Variants in U2SURP observed in about 807,000 individuals in gnomAD.
The protein encoded by U2SURP is U2 snRNP associated SURP domain containing.
Under a neutral mutation model 144.9 loss-of-function variants are expected in U2SURP, and 9 were observed. That is an observed-to-expected ratio of 0.06 (90% CI 0.04 to 0.11). U2SURP has a LOEUF of 0.11. Among genes scored for constraint, U2SURP ranks in the 10% least tolerant of loss-of-function variants. The pLI is 1.00. For missense variants in U2SURP, 724 were observed against 1,226.7 expected (o/e 0.59, Z 6.12); for synonymous variants, 408 against 396.8 (o/e 1.03, Z -0.33).
At chr3:143,013,299 TTTTC>T (rs1312945435) in intron 3 of U2SURP, among the ~76,000 whole-genome samples, 3 of 152,084 alleles carry the variant, frequency 2.0e-5, no homozygotes, top group Non-Finnish European at 2.9e-5. Context: ...GGCAAAACGA[TTTTC>T]TTTCTATTTT....
intron 23 of U2SURP, among the ~76,000 whole-genome samples, chr3:143,041,960 C>T (rs1934133494): frequency 6.8e-6 from 1 of 146,370 alleles, no homozygotes; most frequent in Non-Finnish European, 1.5e-5. Context: ...GATTTATTTG[C>T]CAATAGTATA....
chr3:143,015,425 T>C (rs1936324061), intron 4 of U2SURP, among the ~76,000 whole-genome samples: 1 of 92,388 alleles, frequency 1.1e-5, no homozygotes, highest in South Asian at 3.3e-4. Flanking sequence ...CTATGATTTC[T>C]GGTTTTTCAG....
chr3:143,041,880 G>A (rs989427322), intron 23 of U2SURP, among the ~76,000 whole-genome samples: 4 of 151,862 alleles, frequency 2.6e-5, no homozygotes, highest in African/African-American at 4.8e-5. Context: ...AACATTGTTT[G>A]TAAGGAATTT....
rs190280508 is a variant in U2SURP at position 143,049,172 on chromosome 3, G to A, written c.2545-1767G>A. Among the ~76,000 whole-genome samples, 348 of 149,840 alleles carry A rather than the reference G, an allele frequency of 2.3e-3. 3 individuals carry two copies. Among genetic ancestry groups the A allele is most frequent in the Admixed American group, 4.5e-3 (67 of 15,000 alleles). On this transcript the variant is annotated intron_variant, in intron 24 of 27. Coordinates refer to ENST00000473835, the MANE Select transcript of U2SURP (RefSeq NM_001080415.2). ...TCCCAGCTACTTGGGAAGCTGAGGC[G>A]GGAGAATTGCTTGAACCTGGGAGGT...
At chr3:143,026,578 A>G (rs1933159602) in intron 13 of U2SURP, 1 of 152,200 alleles carries the variant, frequency 6.6e-6, no homozygotes, top group Non-Finnish European at 1.5e-5. Context: ...TAAAAAATGC[A>G]TCTGGTGTGT....
Position 143,039,997 on chromosome 3 carries a change from G to A in U2SURP, c.2384+1037G>A, listed in dbSNP as rs191744278. 9.1e-4 allele frequency among the ~76,000 whole-genome samples: 139 copies of A among 151,984 alleles called. 1 individual carries two copies. The highest frequency in any genetic ancestry group is 3.0e-3 in the African/African-American group (123 of 41,522). ...TTTAGGAATACACAAATTGAGAACC[G>A]TTTAGTTCAGTTTGCTTTAAAACAG... On this transcript the variant is annotated intron_variant, in intron 23 of 27. Coordinates refer to ENST00000473835, the MANE Select transcript of U2SURP (RefSeq NM_001080415.2).
chr3:143,046,316 TTTTTA>T lies in U2SURP; in HGVS notation c.2544+3045_2544+3049del, dbSNP rs1221326396. 2.0e-5 allele frequency among the ~76,000 whole-genome samples: 3 copies of T among 147,834 alleles called. No individual in the cohort carries two copies. In the East Asian group the frequency reaches 5.8e-4, roughly 29 times the overall value. On this transcript the variant is annotated intron_variant, in intron 24 of 27. Transcript: ENST00000473835. ...TTTTTTATTTTTTTTTATTTTTATTTTTTTATTTTTTATTTTTTTTTTTATTGATC... is the reference window on the plus strand; with the variant it reads ...TTTTTTATTTTTTTTTATTTTTATTTTTTTTTATTTTTTTTTTTATTGATC...
At chr3:143,041,805 G>A (rs931320795) in intron 23 of U2SURP, among the ~76,000 whole-genome samples, 39 of 151,990 alleles carry the variant, frequency 2.6e-4, no homozygotes, top group African/African-American at 9.2e-4. Flanking sequence ...AAGGGCTTGC[G>A]AGATTCAAGT....
At chr3:143,014,280 T>A (rs1310746421) in intron 3 of U2SURP, 31 bp from the exon 4 acceptor site, 3 of 1,444,052 alleles carry the variant, frequency 2.1e-6, no homozygotes, top group Non-Finnish European at 2.9e-6. Context: ...ATTAAGAATC[T>A]ATATGTAAAA....
chr3:143,012,718 T>C (rs1936182010), intron 3 of U2SURP, among the ~76,000 whole-genome samples: 1 of 152,180 alleles, frequency 6.6e-6, no homozygotes, highest in African/African-American at 2.4e-5. Context: ...GTGTTCCCAC[T>C]GAGCTTATAG....
chr3:143,006,396 T>G (rs1000188448), intron 1 of U2SURP, among the ~76,000 whole-genome samples: 17 of 152,300 alleles, frequency 1.1e-4, no homozygotes, highest in African/African-American at 4.1e-4. Context: ...TCAAGTATAT[T>G]GAGACTCTGT....
At chr3:143,031,499 A>G (rs1245635287) in intron 16 of U2SURP, among the ~76,000 whole-genome samples, 1 of 92,146 alleles carries the variant, frequency 1.1e-5, no homozygotes, top group East Asian at 2.6e-4. Flanking sequence ...CATTGAGGCA[A>G]AACCTTCCAC....
intron 1 of U2SURP, chr3:143,002,419 A>G (rs950969176): frequency 5.3e-5 from 8 of 152,234 alleles, no homozygotes; most frequent in Non-Finnish European, 1.2e-4. Context: ...CTGGGCACGT[A>G]TTGTGAAACC....
At chr3:143,014,510 A>C in intron 4 of U2SURP, 101 bp downstream of exon 4, 1 of 712,604 alleles carries the variant, frequency 1.4e-6, no homozygotes, top group Non-Finnish European at 2.2e-6. Context: ...CTTAACCTCT[A>C]GGATATTCTC....
At chr3:143,003,152 T>A (rs549830732) in intron 1 of U2SURP, among the ~76,000 whole-genome samples, 1 of 152,370 alleles carries the variant, frequency 6.6e-6, no homozygotes, top group Admixed American at 6.5e-5. Context: ...AAAATAGTGC[T>A]TCTCATGACT....
At chr3:143,021,270 CTG>C in intron 8 of U2SURP, 78 bp from the exon 9 acceptor site, 4 of 1,448,414 alleles carry the variant, frequency 2.8e-6, no homozygotes, top group Non-Finnish European at 1.9e-6. Context: ...CTGTAACAAA[CTG>C]GGGGAAACAA....
chr3:143,052,595 C>T (rs1934943699), intron 25 of U2SURP, among the ~76,000 whole-genome samples: 1 of 152,150 alleles, frequency 6.6e-6, no homozygotes, highest in Admixed American at 6.5e-5. Flanking sequence ...AGCCATGCAC[C>T]TTGACTTAGG....
chr3:143,045,866 T>G (rs1280029621), intron 24 of U2SURP, among the ~76,000 whole-genome samples: 1 of 152,220 alleles, frequency 6.6e-6, no homozygotes, highest in African/African-American at 2.4e-5. Context: ...TCTGAGAGAT[T>G]TAGTCATATG....
Position 143,054,986 on chromosome 3 carries a change from A to G in U2SURP, c.2818A>G (p.Ser940Gly). Residue 940 changes from serine (S) to glycine (G), a missense_variant, in exon 27 of 28, where the codon AGT (serine) becomes GGT (glycine). Transcript: ENST00000473835. ...ATCCCCCAGCCCATCTCGCAGTAGC[A>G]GTGGTAGACGAGTGAAATCCCCATC... is the stretch of plus-strand genomic sequence containing the variant. ...STSPSPSRSS[S>G]GRRVKSPSPK... 1 of 1,609,836 alleles carries G rather than the reference A, an allele frequency of 6.2e-7. No individual in the cohort carries two copies. The highest frequency in any genetic ancestry group is 8.5e-7 in the Non-Finnish European group (1 of 1,178,208).
Sources: gnomAD v4.1 joint callset for allele counts (sites outside exome capture counted in the v4.1 genomes callset) on GRCh38, gnomAD v4.1.1 for gene constraint, MANE v1.5 for transcripts, NCBI Gene and HGNC (gene_info 2026-07-23, HGNC 2026-07-21) for gene names.